CTH: variants seen among roughly 807,000 people sequenced by gnomAD.
CTH encodes the protein cystathionine gamma-lyase.
A neutral mutation model predicts 50.6 loss-of-function variants in CTH; 41 were observed. That is an observed-to-expected ratio of 0.81 (90% CI 0.63 to 1.05). The LOEUF (loss-of-function observed/expected upper bound fraction) is 1.05. Among genes scored for constraint, CTH ranks in the 50% least tolerant of loss-of-function variants. CTH has a pLI of 0.00. For missense variants in CTH, 470 were observed against 492.6 expected, an observed-to-expected ratio of 0.95 and a Z score of 0.43; for synonymous variants, 156 against 168.9, an observed-to-expected ratio of 0.92 and a Z score of 0.59.
At chr1:70,430,742 C>T (rs1448373312) in intron 7 of CTH, among the ~76,000 whole-genome samples, 2 of 151,574 alleles carry the variant, frequency 1.3e-5, no homozygotes, top group East Asian at 2.0e-4. Flanking sequence ...GGGGTTTCAC[C>T]GTGTTGACCA....
chr1:70,427,257 C>CT (rs146570330), intron 5 of CTH, among the ~76,000 whole-genome samples: 1 of 152,294 alleles, frequency 6.6e-6, no homozygotes, highest in East Asian at 1.9e-4. Flanking sequence ...AGTAGCACCT[C>CT]TGGAGTCAGG....
intron 9 of CTH, among the ~76,000 whole-genome samples, chr1:70,434,391 G>A (rs1234810161): frequency 6.6e-6 from 1 of 152,174 alleles, no homozygotes; most frequent in African/African-American, 2.4e-5. Context: ...GCTCTCAGGG[G>A]CCTTGAGCAA....
intron 10 of CTH, among the ~76,000 whole-genome samples, chr1:70,435,979 C>T (rs747784379): frequency 6.6e-6 from 1 of 152,090 alleles, no homozygotes; most frequent in Non-Finnish European, 1.5e-5. Context: ...ATTAGTTAAC[C>T]TTTAAACTTC....
intron 10 of CTH, among the ~76,000 whole-genome samples, chr1:70,437,934 T>C (rs1684632058): frequency 6.6e-6 from 1 of 152,248 alleles, no homozygotes. Flanking sequence ...AGTCTTTTTG[T>C]CTATACTTGT....
chr1:70,435,135 T>C lies in CTH; in HGVS notation c.1010T>C (p.Leu337Pro), dbSNP rs530387429. 3 of 1,613,030 alleles carry C rather than the reference T, an allele frequency of 1.9e-6. No individual in the cohort carries two copies. Among genetic ancestry groups the C allele is most frequent in the Admixed American group, 1.7e-5 (1 of 59,996 alleles). ...TTTTCTTTGCTATAGCTATTTACTCTGGCCGAGAGCTTGGGAGGATTCGAA... is the reference window on the plus strand; with the variant it reads ...TTTTCTTTGCTATAGCTATTTACTCCGGCCGAGAGCTTGGGAGGATTCGAA... ...IFLKNLKLFT[L>P]AESLGGFESL... The change falls in exon 10 of 12, where the codon CTG becomes CCG. Residue 337 changes from leucine to proline, a missense_variant. Leu to Pro is a moderately conservative substitution (Grantham distance 98). Transcript: ENST00000370938.
intron 5 of CTH, 100 bp from the exon 6 acceptor site, chr1:70,429,694 T>C: frequency 1.2e-6 from 1 of 849,708 alleles, no homozygotes; most frequent in Non-Finnish European, 2.0e-6. Flanking sequence ...AAAGTTAGTA[T>C]TGATTAGAAT....
At chr1:70,420,794 C>A (rs1684202954) in intron 3 of CTH, among the ~76,000 whole-genome samples, 1 of 152,002 alleles carries the variant, frequency 6.6e-6, no homozygotes, top group East Asian at 1.9e-4. Context: ...ATATAAAAGT[C>A]TCATGGCAAA....
chr1:70,424,481 AG>A, intron 5 of CTH, 65 bp downstream of exon 5: 1 of 1,605,646 alleles, frequency 6.2e-7, no homozygotes, highest in Non-Finnish European at 8.5e-7. Context: ...TAGGAAAGAA[AG>A]GACTTGCTTA....
chr1:70,417,699 C>T (rs1684124087), intron 2 of CTH, among the ~76,000 whole-genome samples: 1 of 152,054 alleles, frequency 6.6e-6, no homozygotes. Context: ...ATATTATTAC[C>T]AAGGCAAAAT....
Position 70,432,232 on chromosome 1 carries a change from C to T in CTH, c.874C>T (p.Pro292Ser), listed in dbSNP as rs1684492850. The T allele has an allele frequency of 2.5e-6, 4 of 1,614,128 alleles. No individual in the cohort carries two copies. Among genetic ancestry groups the T allele is most frequent in the Non-Finnish European group, 3.4e-6 (4 of 1,179,994 alleles). ...SNPWVEKVIY[P>S]GLPSHPQHEL... The stretch of plus-strand genomic sequence containing the variant: ...TCCTTGGGTAGAAAAGGTTATTTAT[C>T]CTGGTATGTTAATTTGATTTCTAAG... Residue 292 changes from proline to serine, a missense_variant, in exon 8 of 12, where the codon CCT (proline) becomes TCT (serine). By Grantham distance (74) the Pro-to-Ser change is moderately conservative (BLOSUM62 -1). Transcript: ENST00000370938.
At chr1:70,429,378 G>A (rs1357390475) in intron 5 of CTH, among the ~76,000 whole-genome samples, 2 of 152,148 alleles carry the variant, frequency 1.3e-5, no homozygotes, top group Non-Finnish European at 2.9e-5. Context: ...AATCTAAGCA[G>A]ATGAGTTTAT....
rs575098358 is a variant in CTH at position 70,414,422 on chromosome 1, G to C, written c.169-1534G>C. On this transcript the variant is annotated intron_variant, in intron 1 of 11. Coordinates refer to ENST00000370938, the MANE Select transcript of CTH (RefSeq NM_001902.6). ...AGCTACTCTGGAAGCTGAGGCAGGAGAATCGCTTGAACCCGGGAGGTGGAG... is the reference window on the plus strand; with the variant it reads ...AGCTACTCTGGAAGCTGAGGCAGGACAATCGCTTGAACCCGGGAGGTGGAG... Among the ~76,000 whole-genome samples the C allele has an allele frequency of 1.4e-3, 208 of 152,066 alleles. 1 individual carries two copies. Among genetic ancestry groups the C allele is most frequent in the African/African-American group, 4.9e-3 (204 of 41,506 alleles).
rs144207053 is a variant in CTH at position 70,429,971 on chromosome 1, T to TA, written c.646+131dup. On this transcript the variant is annotated intron_variant, in intron 6 of 11. Coordinates refer to ENST00000370938, the MANE Select transcript of CTH (RefSeq NM_001902.6). The stretch of plus-strand genomic sequence containing the variant: ...TATTTCCTGTGACTCATAGAGAGAG[T>TA]AAAAAAAAAAATCCTTTGATTAAAT... The TA allele has an allele frequency of 7.1e-3, 4,029 of 563,998 alleles. 3 individuals carry two copies. The highest frequency in any genetic ancestry group is 0.016 in the African/African-American group (830 of 50,646). 34.9% of individuals were successfully genotyped at this position (563,998 alleles called of 1,614,324 possible). A position where few individuals can be genotyped will look rare whatever the true frequency, so the allele number is the denominator to read the frequency against.
chr1:70,433,827 G>T lies in CTH; in HGVS notation c.878-1G>T. 2 of 1,613,752 alleles carry T rather than the reference G, an allele frequency of 1.2e-6. No individual in the cohort carries two copies. The highest frequency in any genetic ancestry group is 1.1e-5 in the South Asian group (1 of 91,056). Reference sequence around the variant, plus strand: ...AGACTTATGATACCTTATGATTACAGGGCTGCCCTCTCATCCACAGCATGA... The same window carrying T: ...AGACTTATGATACCTTATGATTACATGGCTGCCCTCTCATCCACAGCATGA... On this transcript the variant is annotated splice_acceptor_variant, in intron 8 of 11. Coordinates refer to ENST00000370938, the MANE Select transcript of CTH (RefSeq NM_001902.6). LOFTEE classifies it high-confidence loss of function.
chr1:70,430,531 ATTTT>A, intron 7 of CTH, 137 bp downstream of exon 7: 1 of 575,380 alleles, frequency 1.7e-6, no homozygotes, highest in South Asian at 2.2e-5. Context: ...AAAAATTCTG[ATTTT>A]TTTTATTTAT....
rs1260297982 is a variant in CTH at position 70,439,416 on chromosome 1, C to T, written c.*289C>T. ...ACTTTGGGAGATTATGTTCTTTTTT[C>T]ATGTCTAAGATTTATTTTGATCATG... On this transcript the variant is annotated 3_prime_UTR_variant, in exon 12 of 12. Coordinates refer to ENST00000370938, the MANE Select transcript of CTH (RefSeq NM_001902.6). 2 of 387,200 alleles carry T rather than the reference C, an allele frequency of 5.2e-6. No individual in the cohort carries two copies. Among genetic ancestry groups the T allele is most frequent in the Non-Finnish European group, 9.3e-6 (2 of 214,672 alleles). 24.0% of individuals were successfully genotyped at this position (387,200 alleles called of 1,614,324 possible).
chr1:70,421,598 G>A lies in CTH; in HGVS notation c.379G>A (p.Glu127Lys). Residue 127 changes from glutamate (E) to lysine (K), a missense_variant, in exon 4 of 12, where the codon GAA becomes AAA. By Grantham distance (56) the Glu-to-Lys change is moderately conservative (BLOSUM62 1). Transcript: ENST00000370938. ...TNRYFRQVAS[E>K]FGLKISFVDC... ...CAGGTACTTCAGGCAAGTGGCATCTGAATTTGGATTAAAGATTTCTTTTGT... is the reference window on the plus strand; with the variant it reads ...CAGGTACTTCAGGCAAGTGGCATCTAAATTTGGATTAAAGATTTCTTTTGT... The A allele has an allele frequency of 6.2e-7, 1 of 1,613,924 alleles. No homozygotes were observed.
intron 3 of CTH, among the ~76,000 whole-genome samples, chr1:70,418,691 A>T (rs984491868): frequency 1.3e-5 from 2 of 152,190 alleles, no homozygotes; most frequent in Admixed American, 1.3e-4. Context: ...ACCTGTAATA[A>T]AGATGAAATA....
chr1:70,417,268 A>G (rs1168401125), intron 2 of CTH, among the ~76,000 whole-genome samples: 1 of 151,632 alleles, frequency 6.6e-6, no homozygotes, highest in Non-Finnish European at 1.5e-5. Context: ...TCTATTCTTT[A>G]TGTTTGAAAT....
Sources: gnomAD v4.1 joint callset for allele counts (sites outside exome capture counted in the v4.1 genomes callset) on GRCh38, gnomAD v4.1.1 for gene constraint, MANE v1.5 for transcripts, NCBI Gene and HGNC (gene_info 2026-07-23, HGNC 2026-07-21) for gene names.